NSMAF: variants seen among roughly 807,000 people sequenced by gnomAD.
The protein encoded by NSMAF is neutral sphingomyelinase activation associated factor, also known as protein FAN.
In NSMAF, 90 loss-of-function variants were observed where a neutral mutation model predicts 134.9. The observed-to-expected ratio is 0.67, with a 90% confidence interval of 0.56 to 0.79. The LOEUF is 0.79. Ranked by LOEUF, NSMAF falls within the 30% of genes least tolerant of loss-of-function variation. The pLI, the probability that NSMAF is intolerant of heterozygous loss-of-function variation, is 0.00. For synonymous variants in NSMAF, 358 were observed against 389.6 expected (o/e 0.92, Z 0.96); for missense variants, 1,010 against 1,119.0 (o/e 0.90, Z 1.39).
In NSMAF at chr8:58,589,992, T is replaced by C. The variant is rs745331794; in HGVS notation, c.2087+15A>G. The C allele has an allele frequency of 6.2e-7, 1 of 1,610,026 alleles. No individual in the cohort carries two copies. Among genetic ancestry groups the C allele is most frequent in the South Asian group, 1.1e-5 (1 of 90,974 alleles). ...CTGCACGTCGAATCACAGAGCAGGGTGCACAGATACATACACATTATTATC... is the reference window on the plus strand; with the variant it reads ...CTGCACGTCGAATCACAGAGCAGGGCGCACAGATACATACACATTATTATC... On this transcript the variant is annotated intron_variant, in intron 25 of 30. Coordinates refer to ENST00000038176, the MANE Select transcript of NSMAF (RefSeq NM_003580.4).
intron 9 of NSMAF, among the ~76,000 whole-genome samples, chr8:58,619,227 C>CA (rs897661304): frequency 1.3e-5 from 2 of 152,084 alleles, no homozygotes; most frequent in African/African-American, 2.4e-5. Flanking sequence ...AACATAAACA[C>CA]AAAAAACACA....
chr8:58,590,345 C>T (rs1007437538), intron 24 of NSMAF, among the ~76,000 whole-genome samples: 4 of 152,170 alleles, frequency 2.6e-5, no homozygotes, highest in African/African-American at 9.7e-5. Flanking sequence ...AGCCCACTCA[C>T]ACTCTGGAGT....
rs112471698 is a variant in NSMAF at position 58,657,331 on chromosome 8, C to T, written c.59+2242G>A. Among the ~76,000 whole-genome samples, 1,339 of 152,274 alleles carry T rather than the reference C, an allele frequency of 8.8e-3. 23 individuals carry two copies. The highest frequency in any genetic ancestry group is 0.03 in the African/African-American group (1,258 of 41,538). On this transcript the variant is annotated intron_variant, in intron 1 of 30. Coordinates refer to ENST00000038176, the MANE Select transcript of NSMAF (RefSeq NM_003580.4). ...AAAATCCCTTAATTAGCATGAGAGC[C>T]GCCAGTGAACTTACAATGAACAGGT...
chr8:58,597,969 C>T (rs1428852836), intron 19 of NSMAF, 67 bp from the exon 20 acceptor site: 19 of 1,136,272 alleles, frequency 1.7e-5, no homozygotes, highest in South Asian at 5.3e-5. Context: ...CTGTTTAGAA[C>T]CTAAACAATG....
chr8:58,635,383 T>C lies in NSMAF; in HGVS notation c.229-11A>G. On this transcript the variant is annotated splice_polypyrimidine_tract_variant and intron_variant, in intron 3 of 30. Transcript: ENST00000038176. ...GTCTCTCAAAGGAATCTGGATAAAA[T>C]TGAGAGAAATATTATAAAAATCAAG... 6.3e-7 allele frequency: 1 copy of C among 1,589,534 alleles called. No homozygotes were observed. The highest frequency in any genetic ancestry group is 8.5e-7 in the Non-Finnish European group (1 of 1,170,568).
Position 58,609,711 on chromosome 8 carries a change from G to A in NSMAF, c.580C>T (p.Leu194=). The A allele has an allele frequency of 6.2e-7, 1 of 1,614,126 alleles. No homozygotes were observed. The highest frequency in any genetic ancestry group is 8.5e-7 in the Non-Finnish European group (1 of 1,180,000). ...ATTTCTGCTTTGCATTCCATGTGCA[G>A]CTTTTCAGAAATGTTTTGGAACCTG... ...KNRFQNISEK[L]HMECKAEMVT... is the part of the protein sequence containing the mutation. Residue 194 remains leucine, a synonymous_variant, in exon 10 of 31, where the codon CTG becomes TTG. Transcript: ENST00000038176.
intron 10 of NSMAF, 147 bp downstream of exon 10, chr8:58,609,456 TA>T: frequency 4.2e-6 from 3 of 715,448 alleles, no homozygotes; most frequent in Non-Finnish European, 6.9e-6. Flanking sequence ...ACGGTGTTTG[TA>T]AAATACACAG....
chr8:58,650,867 C>CA (rs1206084514), intron 1 of NSMAF, among the ~76,000 whole-genome samples: 3 of 152,232 alleles, frequency 2.0e-5, no homozygotes, highest in Non-Finnish European at 4.4e-5. Flanking sequence ...CTAAGCATTT[C>CA]AGCCAGTATC....
rs983328476 is a variant in NSMAF at position 58,596,885 on chromosome 8, G to C, written c.1792+502C>G. On this transcript the variant is annotated intron_variant, in intron 21 of 30. Coordinates refer to ENST00000038176, the MANE Select transcript of NSMAF (RefSeq NM_003580.4). The stretch of plus-strand genomic sequence containing the variant: ...GGCGGAGCTTGCAGTGAGCCGAGAT[G>C]GCGCCACTGCACTCCAGCGTGGGGG... 2.6e-5 allele frequency among the ~76,000 whole-genome samples: 4 copies of C among 151,140 alleles called. No individual in the cohort carries two copies. The East Asian group carries it at 5.8e-4, about 22-fold the overall frequency.
In NSMAF at chr8:58,588,467, G is replaced by A. The variant is rs1805944462; in HGVS notation, c.2212-766C>T. 5 of 1,181,284 alleles carry A rather than the reference G, an allele frequency of 4.2e-6. No individual in the cohort carries two copies. In the South Asian group the frequency reaches 6.1e-5, roughly 14 times the overall value. The allele number at this position is 1,181,284 out of a possible 1,614,324, so 73.2% of individuals were successfully genotyped here. A position where few individuals can be genotyped will look rare whatever the true frequency, so the allele number is the denominator to read the frequency against. On this transcript the variant is annotated intron_variant, in intron 26 of 30. Coordinates refer to ENST00000038176, the MANE Select transcript of NSMAF (RefSeq NM_003580.4). ...GGGGCAGCACCCGCAGGTCTAAATT[G>A]GGGTGGGGGTGTTCGGTCCTTGCAG...
In NSMAF at chr8:58,595,580, C is replaced by T. The variant is rs1806119457; in HGVS notation, c.1872G>A (p.Glu624=). The T allele has an allele frequency of 6.2e-7, 1 of 1,613,282 alleles. No homozygotes were observed. Among genetic ancestry groups the T allele is most frequent in the Non-Finnish European group, 8.5e-7 (1 of 1,179,342 alleles). Residue 624 remains glutamate, a synonymous_variant, in exon 22 of 31, where the codon GAG becomes GAA. Coordinates refer to ENST00000038176, the MANE Select transcript of NSMAF (RefSeq NM_003580.4). ...WNNITKLQLH[E]HYKIHKEAVT... is the part of the protein sequence containing the mutation. ...CTTACTCTTTGTGGATTTTATAGTG[C>T]TCGTGTAACTGCAGTTTGGTGATGT...
At chr8:58,585,533 C>T (rs1585721546) in intron 30 of NSMAF, 119 bp downstream of exon 30, 6 of 694,744 alleles carry the variant, frequency 8.6e-6, no homozygotes, top group Admixed American at 5.0e-5. Context: ...GACATGTTTA[C>T]GACATGGAAA....
intron 11 of NSMAF, 43 bp from the exon 12 acceptor site, chr8:58,606,078 T>C (rs1806404655): frequency 5.4e-6 from 5 of 932,622 alleles, no homozygotes; most frequent in Non-Finnish European, 6.1e-6. Flanking sequence ...TAGCATTGTA[T>C]TCATCTTGCA....
At position 58,606,030 on chromosome 8, in the gene NSMAF, C is replaced by T. The variant is rs764006654; in HGVS notation, c.765G>A (p.Leu255=). The T allele has an allele frequency of 6.4e-7, 1 of 1,570,580 alleles. No homozygotes were observed. The highest frequency in any genetic ancestry group is 1.2e-5 in the South Asian group (1 of 81,878). The part of the protein sequence containing the change: ...KRRHGLMPLG[L]EVFCTEDDLC... ...GATCATCTTCTGTGCAAAATACTTC[C>T]AAGCCCTATAAATTCAAAAAGAAAA... Residue 255 remains leucine (L), a synonymous_variant, in exon 12 of 31, where the codon TTG becomes TTA. Transcript: ENST00000038176.
intron 1 of NSMAF, among the ~76,000 whole-genome samples, chr8:58,657,731 C>G (rs1010765167): frequency 3.3e-5 from 5 of 152,226 alleles, no homozygotes; most frequent in Non-Finnish European, 5.9e-5. Context: ...TTTGGGCACT[C>G]AGCAAGTTAT....
intron 6 of NSMAF, among the ~76,000 whole-genome samples, chr8:58,629,986 C>T (rs1807020361): frequency 6.6e-6 from 1 of 152,172 alleles, no homozygotes; most frequent in Non-Finnish European, 1.5e-5. Flanking sequence ...AAGCCAGTCC[C>T]TTGGGCAGCT....
intron 4 of NSMAF, 24 bp downstream of exon 4, chr8:58,635,281 T>A: frequency 6.2e-7 from 1 of 1,609,272 alleles, no homozygotes; most frequent in Non-Finnish European, 8.5e-7. Flanking sequence ...GAAGTAAAAT[T>A]AAACAGTGGT....
At chr8:58,641,203 G>A (rs1807327851) in intron 2 of NSMAF, among the ~76,000 whole-genome samples, 1 of 152,188 alleles carries the variant, frequency 6.6e-6, no homozygotes. Context: ...TTACAGGCAT[G>A]AGCCACCACA....
chr8:58,607,783 C>T lies in NSMAF; in HGVS notation c.745G>A (p.Gly249Ser), dbSNP rs775149939. The change falls in exon 11 of 31, where the codon GGC becomes AGC. Residue 249 changes from glycine to serine, a missense_variant. Physicochemically the swap from Gly to Ser is moderately conservative, Grantham distance 56 (BLOSUM62 0). Coordinates refer to ENST00000038176, the MANE Select transcript of NSMAF (RefSeq NM_003580.4). ...DVRRIYKRRH[G>S]LMPLGLEVFC... ...CAAGGACTCACCAGAGGCATGAGGC[C>T]GTGCCTCCTTTTGTAGATGCGGCGG... 12 of 1,613,824 alleles carry T rather than the reference C, an allele frequency of 7.4e-6. No homozygotes were observed. The highest frequency in any genetic ancestry group is 2.7e-5 in the African/African-American group (2 of 74,930).
Sources: gnomAD v4.1 joint callset for allele counts (sites outside exome capture counted in the v4.1 genomes callset) on GRCh38, gnomAD v4.1.1 for gene constraint, MANE v1.5 for transcripts, NCBI Gene and HGNC (gene_info 2026-07-23, HGNC 2026-07-21) for gene names.